Variants in UQCRC2 observed in about 807,000 individuals in gnomAD.
The protein encoded by UQCRC2 is cytochrome b-c1 complex subunit 2, mitochondrial.
A neutral mutation model predicts 55.6 loss-of-function variants in UQCRC2; 49 were observed. The ratio of observed to expected loss-of-function variants is 0.88; its 90% confidence interval spans 0.70 to 1.12. The LOEUF (loss-of-function observed/expected upper bound fraction) is 1.12. UQCRC2 is among the 50% of genes most tolerant of loss of function. The pLI is 0.00. For synonymous variants in UQCRC2, 193 were observed against 192.0 expected, an observed-to-expected ratio of 1.01 and a Z score of -0.04; for missense variants, 506 against 547.8, an observed-to-expected ratio of 0.92 and a Z score of 0.76.
chr16:21,955,054 C>CAAAAA (rs11388256), intron 1 of UQCRC2, among the ~76,000 whole-genome samples: 4 of 101,854 alleles, frequency 3.9e-5, no homozygotes, highest in Admixed American at 1.2e-4. Context: ...GACTCCGTCT[C>CAAAAA]AAAAAAAAAA....
intron 6 of UQCRC2, 111 bp from the exon 7 acceptor site, chr16:21,965,297 T>C (rs1898298864): frequency 1.1e-6 from 1 of 885,582 alleles, no homozygotes; most frequent in Non-Finnish European, 1.8e-6. Context: ...TCTTAACATA[T>C]GAATGCCAGA....
At chr16:21,962,409 A>C in intron 4 of UQCRC2, 51 bp from the exon 5 acceptor site, 1 of 1,603,554 alleles carries the variant, frequency 6.2e-7, no homozygotes, top group Non-Finnish European at 8.5e-7. Context: ...TATAAGGGAA[A>C]GCTTACTATC....
At position 21,973,975 on chromosome 16, in the gene UQCRC2, A is replaced by G; in HGVS notation, c.1046A>G (p.Asp349Gly). The G allele has an allele frequency of 1.9e-6, 3 of 1,606,160 alleles. No homozygotes were observed. The highest frequency in any genetic ancestry group is 2.2e-5 in the South Asian group (2 of 89,450). Reference sequence around the variant, plus strand: ...ATCTCCCAGGCCACAGCTGCTGGAGATGTAAGTTGCAAACTCACCAAACTT... The same window carrying G: ...ATCTCCCAGGCCACAGCTGCTGGAGGTGTAAGTTGCAAACTCACCAAACTT... Reference protein sequence around the residue: ...YTISQATAAGDVIKAAYNQVK... With the variant: ...YTISQATAAGGVIKAAYNQVK... Residue 349 changes from aspartate (D) to glycine (G), a missense_variant and splice_region_variant, in exon 11 of 14, where the codon GAT becomes GGT. Physicochemically the swap from Asp to Gly is moderately conservative, Grantham distance 94 (BLOSUM62 -1). Coordinates refer to ENST00000268379, the MANE Select transcript of UQCRC2 (RefSeq NM_003366.4).
At chr16:21,968,439 A>G in intron 7 of UQCRC2, 189 bp from the exon 8 acceptor site, 1 of 441,976 alleles carries the variant, frequency 2.3e-6, no homozygotes, top group Non-Finnish European at 4.0e-6. Context: ...ATTAGGTTCT[A>G]GTTCTTTTAA....
chr16:21,954,703 C>G (rs1313890669), intron 1 of UQCRC2, among the ~76,000 whole-genome samples: 1 of 152,016 alleles, frequency 6.6e-6, no homozygotes, highest in Non-Finnish European at 1.5e-5. Flanking sequence ...TAGAAGATTG[C>G]ATGACAGTTA....
At position 21,980,572 on chromosome 16, in the gene UQCRC2, A is replaced by T; in HGVS notation, c.1150A>T (p.Met384Leu). 1 of 1,614,142 alleles carries T rather than the reference A, an allele frequency of 6.2e-7. No homozygotes were observed. Among genetic ancestry groups the T allele is most frequent in the East Asian group, 2.2e-5 (1 of 44,890 alleles). Residue 384 changes from methionine to leucine, a missense_variant, in exon 13 of 14, where the codon ATG becomes TTG. Physicochemically the swap from Met to Leu is conservative, Grantham distance 15. Transcript: ENST00000268379. Reference sequence around the variant, plus strand: ...GAACAAGCTGAAAGCTGGATACCTAATGTCAGTGGAGTCTTCTGAGTGTTT... The same window carrying T: ...GAACAAGCTGAAAGCTGGATACCTATTGTCAGTGGAGTCTTCTGAGTGTTT... ...AKNKLKAGYLMSVESSECFLE... is the reference protein window; with the variant it reads ...AKNKLKAGYLLSVESSECFLE...
chr16:21,971,697 G>T, intron 9 of UQCRC2, 77 bp downstream of exon 9: 1 of 1,450,354 alleles, frequency 6.9e-7, no homozygotes, highest in Admixed American at 1.7e-5. Context: ...AGGTGGAATA[G>T]GCCTGAATAT....
chr16:21,974,317 A>C (rs1327703132), intron 11 of UQCRC2, among the ~76,000 whole-genome samples: 1 of 152,118 alleles, frequency 6.6e-6, no homozygotes, highest in Non-Finnish European at 1.5e-5. Flanking sequence ...TGTTGAAATC[A>C]GGGATATGTG....
chr16:21,971,821 A>G, intron 9 of UQCRC2, 102 bp from the exon 10 acceptor site: 1 of 1,535,968 alleles, frequency 6.5e-7, no homozygotes, highest in Admixed American at 1.7e-5. Flanking sequence ...GAGCTGCAGA[A>G]AAGACTCGTG....
chr16:21,963,963 A>G (rs1898264607), intron 6 of UQCRC2, among the ~76,000 whole-genome samples: 1 of 152,110 alleles, frequency 6.6e-6, no homozygotes, highest in Non-Finnish European at 1.5e-5. Flanking sequence ...TATAATGTCT[A>G]ATTATATAAT....
chr16:21,979,927 G>A (rs926381450), intron 12 of UQCRC2, among the ~76,000 whole-genome samples: 21 of 152,158 alleles, frequency 1.4e-4, no homozygotes, highest in African/African-American at 5.1e-4. Flanking sequence ...TCCTAGGCTA[G>A]TGATATGCAG....
chr16:21,964,846 A>C (rs1443749986), intron 6 of UQCRC2, among the ~76,000 whole-genome samples: 1 of 152,200 alleles, frequency 6.6e-6, no homozygotes, highest in Non-Finnish European at 1.5e-5. Flanking sequence ...AGTGCCTCGC[A>C]TAGGCAAGTT....
intron 8 of UQCRC2, 38 bp downstream of exon 8, chr16:21,968,723 C>G: frequency 6.4e-7 from 1 of 1,573,634 alleles, no homozygotes; most frequent in Non-Finnish European, 8.6e-7. Context: ...AGTTTGCTTC[C>G]TTAAGAGCAG....
intron 4 of UQCRC2, among the ~76,000 whole-genome samples, chr16:21,958,955 C>T (rs1317953675): frequency 1.3e-5 from 2 of 152,154 alleles, no homozygotes. Flanking sequence ...ACTAAGTGTA[C>T]AATGACATTT....
chr16:21,974,144 A>T (rs1219501093), intron 11 of UQCRC2, among the ~76,000 whole-genome samples, 168 bp downstream of exon 11: 1 of 152,224 alleles, frequency 6.6e-6, no homozygotes, highest in African/African-American at 2.4e-5. Flanking sequence ...GGAAATTTAC[A>T]CATGTATACT....
chr16:21,958,426 T>C (rs1321302447), intron 3 of UQCRC2, 109 bp from the exon 4 acceptor site: 4 of 944,106 alleles, frequency 4.2e-6, no homozygotes, highest in Non-Finnish European at 6.6e-6. Flanking sequence ...GATGCAGGAA[T>C]TTAGTAAAAT....
chr16:21,964,429 C>T (rs536312491), intron 6 of UQCRC2, among the ~76,000 whole-genome samples: 1 of 152,292 alleles, frequency 6.6e-6, no homozygotes, highest in South Asian at 2.1e-4. Context: ...TTCTTATTAT[C>T]TATGGGATAA....
At chr16:21,982,691 T>G (rs1168565008) in intron 13 of UQCRC2, among the ~76,000 whole-genome samples, 1 of 152,164 alleles carries the variant, frequency 6.6e-6, no homozygotes, top group Non-Finnish European at 1.5e-5. Flanking sequence ...GAAGGCCAGG[T>G]TGGTGGCTCA....
intron 8 of UQCRC2, among the ~76,000 whole-genome samples, chr16:21,970,206 G>A (rs1898426418): frequency 6.6e-6 from 1 of 152,076 alleles, no homozygotes; most frequent in Admixed American, 6.5e-5. Flanking sequence ...TTTATTCATT[G>A]ATTGGCATTT....
Sources: allele counts gnomAD v4.1 joint callset (sites outside exome capture counted in the v4.1 genomes callset), GRCh38; gene constraint gnomAD v4.1.1; transcripts MANE v1.5; gene names NCBI Gene and HGNC (gene_info 2026-07-23, HGNC 2026-07-21).